Variants in FSTL5 observed in about 807,000 individuals in gnomAD.
FSTL5 encodes follistatin-related protein 5.
FSTL5 carries 62 observed loss-of-function variants against 89.1 expected under a neutral mutation model. The ratio of observed to expected loss-of-function variants is 0.70; its 90% confidence interval spans 0.57 to 0.86. The LOEUF (loss-of-function observed/expected upper bound fraction) is 0.86. Among genes scored for constraint, FSTL5 ranks in the 40% least tolerant of loss-of-function variants. The pLI, the probability that FSTL5 is intolerant of heterozygous loss-of-function variation, is 0.00. For missense variants in FSTL5, 1,057 were observed against 1,001.6 expected, an observed-to-expected ratio of 1.06 and a Z score of -0.75; for synonymous variants, 383 against 346.2, an observed-to-expected ratio of 1.11 and a Z score of -1.18.
At chr4:161,617,856 C>T (rs1419502847) in intron 7 of FSTL5, among the ~76,000 whole-genome samples, 1 of 152,142 alleles carries the variant, frequency 6.6e-6, no homozygotes, top group Non-Finnish European at 1.5e-5. Context: ...TGTCAGCTGG[C>T]CTGCACTTTA....
intron 4 of FSTL5, among the ~76,000 whole-genome samples, chr4:161,919,659 T>C (rs902727292): frequency 2.6e-5 from 4 of 152,180 alleles, no homozygotes; most frequent in Non-Finnish European, 2.9e-5. Flanking sequence ...CACATTTAAC[T>C]CTAGAATTTC....
chr4:161,414,642 T>A (rs191120662), intron 15 of FSTL5, among the ~76,000 whole-genome samples: 27 of 152,320 alleles, frequency 1.8e-4, no homozygotes, highest in African/African-American at 6.3e-4. Context: ...CCTAGATGAA[T>A]GTATTTATCA....
intron 2 of FSTL5, among the ~76,000 whole-genome samples, chr4:162,044,667 C>G (rs911163490): frequency 6.6e-6 from 1 of 152,132 alleles, no homozygotes; most frequent in African/African-American, 2.4e-5. Context: ...GTTGTTTCGT[C>G]CAATTGAAAA....
At chr4:161,881,086 G>C (rs1184139250) in intron 4 of FSTL5, among the ~76,000 whole-genome samples, 2 of 151,444 alleles carry the variant, frequency 1.3e-5, no homozygotes, top group Admixed American at 1.3e-4. Flanking sequence ...ATAATAATTT[G>C]TGATATTTTG....
chr4:162,068,869 AAAC>A (rs1729465078), intron 2 of FSTL5, among the ~76,000 whole-genome samples: 1 of 152,166 alleles, frequency 6.6e-6, no homozygotes, highest in African/African-American at 2.4e-5. Context: ...CAACCCCATT[AAAC>A]AGTGGGCAAA....
chr4:161,860,585 C>A (rs1246902718), intron 4 of FSTL5, among the ~76,000 whole-genome samples: 1 of 152,166 alleles, frequency 6.6e-6, no homozygotes, highest in African/African-American at 2.4e-5. Flanking sequence ...TAACACACAT[C>A]TAGGTATAGA....
At chr4:161,673,090 T>C (rs1737177947) in intron 6 of FSTL5, among the ~76,000 whole-genome samples, 1 of 152,070 alleles carries the variant, frequency 6.6e-6, no homozygotes, top group Admixed American at 6.6e-5. Context: ...ATGTGAACAA[T>C]TATACAGTTA....
At chr4:161,778,092 T>TCACACA (rs71598736) in intron 4 of FSTL5, among the ~76,000 whole-genome samples, 4,362 of 148,298 alleles carry the variant, frequency 0.029, 82 homozygotes, top group Admixed American at 0.045. Context: ...AGACTCCGTA[T>TCACACA]CACACACACA....
intron 10 of FSTL5, among the ~76,000 whole-genome samples, chr4:161,517,521 T>C (rs181230515): frequency 6.4e-4 from 98 of 152,270 alleles, no homozygotes; most frequent in African/African-American, 2.2e-3. Context: ...AATTGCCTTA[T>C]TTCCTGTGTT....
intron 15 of FSTL5, among the ~76,000 whole-genome samples, chr4:161,429,789 T>A (rs886161721): frequency 3.3e-5 from 5 of 152,046 alleles, no homozygotes; most frequent in Admixed American, 2.6e-4. Flanking sequence ...ACAATATATA[T>A]AAAACTCTTT....
At chr4:161,630,338 G>C (rs1379633896) in intron 7 of FSTL5, among the ~76,000 whole-genome samples, 1 of 152,186 alleles carries the variant, frequency 6.6e-6, no homozygotes, top group East Asian at 1.9e-4. Flanking sequence ...AGTCTTGACT[G>C]TTGCTTTCGT....
chr4:161,753,411 TCA>T (rs1265524974), intron 6 of FSTL5, among the ~76,000 whole-genome samples: 1 of 152,160 alleles, frequency 6.6e-6, no homozygotes, highest in Non-Finnish European at 1.5e-5. Flanking sequence ...ATGTAATCAC[TCA>T]CCAATTCAAG....
intron 15 of FSTL5, among the ~76,000 whole-genome samples, chr4:161,426,606 TG>T (rs1307225740): frequency 6.6e-6 from 1 of 152,198 alleles, no homozygotes; most frequent in African/African-American, 2.4e-5. Context: ...TAATTTTTTT[TG>T]TTTGAGGTGG....
chr4:161,483,322 A>C (rs1292711940), intron 12 of FSTL5, among the ~76,000 whole-genome samples: 1 of 152,252 alleles, frequency 6.6e-6, no homozygotes, highest in East Asian at 1.9e-4. Context: ...GAATACAGGG[A>C]AATTGTTTAC....
At chr4:161,944,614 G>T (rs867647934) in intron 3 of FSTL5, among the ~76,000 whole-genome samples, 1 of 151,496 alleles carries the variant, frequency 6.6e-6, no homozygotes, top group Non-Finnish European at 1.5e-5. Context: ...AGAAAATTAC[G>T]TTATAAAAAG....
chr4:162,023,070 A>G (rs1428831254), intron 3 of FSTL5, among the ~76,000 whole-genome samples: 1 of 152,114 alleles, frequency 6.6e-6, no homozygotes, highest in Non-Finnish European at 1.5e-5. Context: ...GTGTATCCCC[A>G]TACATTTGTA....
In FSTL5 at chr4:161,386,382, T is replaced by C. The variant is rs367932192; in HGVS notation, c.1909A>G (p.Ile637Val). 3.7e-6 allele frequency: 6 copies of C among 1,613,674 alleles called. No individual in the cohort carries two copies. Among genetic ancestry groups the C allele is most frequent in the African/African-American group, 1.3e-5 (1 of 74,922 alleles). Residue 637 changes from isoleucine to valine, a missense_variant, in exon 16 of 16, where the codon ATC becomes GTC. By Grantham distance (29) the Ile-to-Val change is conservative (BLOSUM62 3). Coordinates refer to ENST00000306100, the MANE Select transcript of FSTL5 (RefSeq NM_020116.5). ...TAGTCCTTCAAGTTAATTGTCTTGA[T>C]GTATGACATGGTTTCAAGATCAATT... ...QKIDLETMSY[I>V]KTINLKDYKC...
chr4:161,576,673 A>G (rs1201224379), intron 8 of FSTL5, among the ~76,000 whole-genome samples: 1 of 152,202 alleles, frequency 6.6e-6, no homozygotes, highest in Non-Finnish European at 1.5e-5. Context: ...TCCTTTTTCA[A>G]ATTTAAAATA....
At chr4:161,915,494 T>C (rs1211102211) in intron 4 of FSTL5, among the ~76,000 whole-genome samples, 1 of 152,130 alleles carries the variant, frequency 6.6e-6, no homozygotes, top group Non-Finnish European at 1.5e-5. Flanking sequence ...ATATAAAACA[T>C]CTATCATATG....
Sources: allele counts gnomAD v4.1 joint callset (sites outside exome capture counted in the v4.1 genomes callset), GRCh38; gene constraint gnomAD v4.1.1; transcripts MANE v1.5; gene names NCBI Gene and HGNC (gene_info 2026-07-23, HGNC 2026-07-21).